Variants in PDE1A observed in about 807,000 individuals in gnomAD.
PDE1A encodes the protein phosphodiesterase 1A.
A neutral mutation model predicts 61.7 loss-of-function variants in PDE1A; 35 were observed. That is an observed-to-expected ratio of 0.57 (90% confidence interval 0.43 to 0.75). PDE1A has a LOEUF of 0.75. PDE1A is among the 30% of genes least tolerant of loss of function. The pLI is 0.00. For synonymous variants in PDE1A, 232 were observed against 213.2 expected (o/e 1.09, Z -0.77); for missense variants, 597 against 630.6 (o/e 0.95, Z 0.57).
At chr2:182,201,824 G>T in intron 8 of PDE1A, 35 bp from the exon 9 acceptor site, 3 of 1,337,160 alleles carry the variant, frequency 2.2e-6, no homozygotes, top group Non-Finnish European at 3.2e-6. Flanking sequence ...GGTTCATTCA[G>T]CCATTTATTG....
intron 1 of PDE1A, among the ~76,000 whole-genome samples, chr2:182,420,354 A>C (rs979256844): frequency 1.3e-5 from 2 of 152,110 alleles, no homozygotes; most frequent in African/African-American, 2.4e-5. Context: ...ATATAACTTA[A>C]AAGTGACTTG....
At chr2:182,446,198 T>C (rs894225416) in intron 2 of PDE1A, among the ~76,000 whole-genome samples, 6 of 152,086 alleles carry the variant, frequency 3.9e-5, no homozygotes, top group African/African-American at 1.4e-4. Flanking sequence ...GGTTATTTTG[T>C]AGTATCTTAA....
the PDE1A span, among the ~76,000 whole-genome samples, chr2:182,606,238 G>T: frequency 2.6e-5 from 4 of 152,148 alleles, no homozygotes; most frequent in African/African-American, 9.7e-5. Context: ...GAATGCAATG[G>T]CGCAATCTCA....
chr2:182,700,500 G>A, the PDE1A span, among the ~76,000 whole-genome samples: 7 of 151,746 alleles, frequency 4.6e-5, no homozygotes, highest in East Asian at 1.4e-3. Flanking sequence ...GAGGCGGGTG[G>A]CTCACAAGGT....
intron 13 of PDE1A, among the ~76,000 whole-genome samples, chr2:182,161,308 G>A (rs1225120352): frequency 6.6e-6 from 1 of 152,052 alleles, no homozygotes; most frequent in Non-Finnish European, 1.5e-5. Flanking sequence ...TGAACTCTCA[G>A]CCTTTACTGG....
intron 2 of PDE1A, among the ~76,000 whole-genome samples, chr2:182,436,356 AT>A (rs1188592370): frequency 3.3e-5 from 5 of 152,068 alleles, no homozygotes; most frequent in South Asian, 2.1e-4. Context: ...AGTTACCATA[AT>A]TTTTTTGTAC....
the PDE1A span, among the ~76,000 whole-genome samples, chr2:182,583,299 T>G: frequency 1.4e-4 from 21 of 152,300 alleles, no homozygotes; most frequent in East Asian, 3.5e-3. Flanking sequence ...TTGAGGAAAT[T>G]ATCAGAATAA....
At chr2:182,483,105 G>C (rs1478316092) in intron 2 of PDE1A, among the ~76,000 whole-genome samples, 3 of 151,830 alleles carry the variant, frequency 2.0e-5, no homozygotes, top group Non-Finnish European at 4.4e-5. Flanking sequence ...CATTCATAAT[G>C]GTCAGAGGGC....
the PDE1A span, among the ~76,000 whole-genome samples, chr2:182,579,719 A>T: frequency 6.6e-6 from 1 of 152,086 alleles, no homozygotes; most frequent in South Asian, 2.1e-4. Context: ...AGTACATGGT[A>T]TGCCCAAAAA....
intron 2 of PDE1A, among the ~76,000 whole-genome samples, chr2:182,458,238 G>A (rs1317451479): frequency 6.6e-6 from 1 of 151,870 alleles, no homozygotes; most frequent in African/African-American, 2.4e-5. Context: ...AACACTTTGG[G>A]ACTAACCCCA....
chr2:182,283,463 T>C (rs1693953314), intron 1 of PDE1A, among the ~76,000 whole-genome samples: 1 of 151,846 alleles, frequency 6.6e-6, no homozygotes, highest in Non-Finnish European at 1.5e-5. Flanking sequence ...GCAGCCTTCA[T>C]TAAATGCTAT....
chr2:182,686,794 G>C, the PDE1A span, among the ~76,000 whole-genome samples: 1 of 152,250 alleles, frequency 6.6e-6, no homozygotes, highest in Non-Finnish European at 1.5e-5. Flanking sequence ...GCAAAGCTGT[G>C]ACAGATAGCA....
At chr2:182,211,148 T>C (rs1687561307) in intron 7 of PDE1A, among the ~76,000 whole-genome samples, 1 of 152,214 alleles carries the variant, frequency 6.6e-6, no homozygotes, top group Non-Finnish European at 1.5e-5. Flanking sequence ...TTGGGAGTTA[T>C]GTTTGCAACA....
At chr2:182,698,941 A>G in the PDE1A span, among the ~76,000 whole-genome samples, 1 of 152,218 alleles carries the variant, frequency 6.6e-6, no homozygotes, top group African/African-American at 2.4e-5. Context: ...TTTGGCCCTG[A>G]GACCTCTAGC....
intron 2 of PDE1A, chr2:182,242,058 C>A: frequency 7.7e-7 from 1 of 1,294,202 alleles, no homozygotes; most frequent in Non-Finnish European, 9.8e-7. Context: ...GAATAGGAAT[C>A]ATTGTGGTGT....
chr2:182,172,947 C>T (rs528255997), intron 13 of PDE1A, among the ~76,000 whole-genome samples: 12 of 152,092 alleles, frequency 7.9e-5, no homozygotes, highest in Non-Finnish European at 5.9e-5. Flanking sequence ...AGAGAGCAAA[C>T]ATTCCAGGGT....
At chr2:182,240,704 G>A (rs1690433515) in intron 2 of PDE1A, among the ~76,000 whole-genome samples, 1 of 152,154 alleles carries the variant, frequency 6.6e-6, no homozygotes, top group Non-Finnish European at 1.5e-5. Context: ...ATCTATAATA[G>A]TTGTCATATA....
chr2:182,253,489 C>T (rs1305502845), intron 2 of PDE1A, among the ~76,000 whole-genome samples: 1 of 152,110 alleles, frequency 6.6e-6, no homozygotes, highest in Non-Finnish European at 1.5e-5. Flanking sequence ...GATACACCAC[C>T]CAGAAGCATG....
chr2:182,160,299 AG>A (rs2125295934), intron 13 of PDE1A, among the ~76,000 whole-genome samples: 1 of 152,158 alleles, frequency 6.6e-6, no homozygotes, highest in Admixed American at 6.5e-5. Context: ...AGGGCTGGTG[AG>A]GTACTGATTT....
Sources: gnomAD v4.1 joint callset for allele counts (sites outside exome capture counted in the v4.1 genomes callset) on GRCh38, gnomAD v4.1.1 for gene constraint, MANE v1.5 for transcripts, NCBI Gene and HGNC (gene_info 2026-07-23, HGNC 2026-07-21) for gene names.